Variants in CALN1 observed in about 807,000 individuals in gnomAD.
CALN1 encodes calcium-binding protein 8.
Under a neutral mutation model 30.6 loss-of-function variants are expected in CALN1, and 17 were observed. That is an observed-to-expected ratio of 0.56 (90% CI 0.38 to 0.83). The LOEUF (loss-of-function observed/expected upper bound fraction) is 0.83. Ranked by LOEUF, CALN1 falls within the 40% of genes least tolerant of loss-of-function variation. The pLI is 0.00. For synonymous variants in CALN1, 156 were observed against 131.4 expected (o/e 1.19, Z -1.28); for missense variants, 291 against 354.9 (o/e 0.82, Z 1.45).
Position 72,392,258 on chromosome 7 carries a change from T to TA in CALN1, c.119+10992dup, listed in dbSNP as rs1305839925. 3.3e-5 allele frequency among the ~76,000 whole-genome samples: 5 copies of TA among 152,142 alleles called. No homozygotes were observed. In the East Asian group the frequency reaches 9.6e-4, roughly 29 times the overall value. On this transcript the variant is annotated intron_variant, in intron 2 of 6. Transcript: ENST00000395275. The stretch of plus-strand genomic sequence containing the variant: ...GCCATCTGCGTTTCTCCAACAGAGG[T>TA]ACCAGACATCTCGGAGCAGATACAA...
intron 1 of CALN1, among the ~76,000 whole-genome samples, chr7:72,418,839 C>T (rs1020109752): frequency 6.6e-6 from 1 of 151,918 alleles, no homozygotes; most frequent in Non-Finnish European, 1.5e-5. Context: ...GGCGAGACCC[C>T]GTCTCTACCA....
intron 2 of CALN1, among the ~76,000 whole-genome samples, chr7:72,328,568 T>C (rs534110587): frequency 6.6e-6 from 1 of 152,206 alleles, no homozygotes; most frequent in Non-Finnish European, 1.5e-5. Flanking sequence ...GAGCATCCTG[T>C]GTTTTGTCCC....
At chr7:72,284,466 G>T (rs1031353708) in intron 2 of CALN1, among the ~76,000 whole-genome samples, 1 of 151,962 alleles carries the variant, frequency 6.6e-6, no homozygotes, top group African/African-American at 2.4e-5. Flanking sequence ...GCTGGATTAG[G>T]TTAACTTTTG....
chr7:72,257,045 C>T (rs1795960781), intron 3 of CALN1, among the ~76,000 whole-genome samples: 2 of 152,186 alleles, frequency 1.3e-5, no homozygotes, highest in African/African-American at 4.8e-5. Context: ...AATTGACTCA[C>T]ACTTCCATAT....
intron 3 of CALN1, among the ~76,000 whole-genome samples, chr7:72,247,095 G>T (rs1392334000): frequency 1.3e-5 from 2 of 151,738 alleles, no homozygotes; most frequent in Non-Finnish European, 2.9e-5. Context: ...AGACAGCCCA[G>T]TGTATGCCCT....
intron 4 of CALN1, among the ~76,000 whole-genome samples, chr7:72,072,342 G>A (rs1168691516): frequency 1.3e-5 from 2 of 152,162 alleles, no homozygotes; most frequent in Non-Finnish European, 2.9e-5. Flanking sequence ...TTAGAGGCCA[G>A]AAGGCAGTGG....
chr7:72,090,648 T>C (rs1340232072), intron 4 of CALN1, among the ~76,000 whole-genome samples: 1 of 152,234 alleles, frequency 6.6e-6, no homozygotes, highest in Non-Finnish European at 1.5e-5. Context: ...ACAGCATTAT[T>C]CACAATAGCT....
At chr7:71,850,158 T>A (rs560671057) in intron 5 of CALN1, among the ~76,000 whole-genome samples, 1 of 152,166 alleles carries the variant, frequency 6.6e-6, no homozygotes, top group Non-Finnish European at 1.5e-5. Flanking sequence ...TATCCTTACA[T>A]GGAATCTATG....
At chr7:72,037,962 G>A (rs1801903299) in intron 4 of CALN1, among the ~76,000 whole-genome samples, 1 of 152,196 alleles carries the variant, frequency 6.6e-6, no homozygotes, top group Non-Finnish European at 1.5e-5. Context: ...AGTTGGGGAA[G>A]GCGAGATGGA....
the CALN1 span, among the ~76,000 whole-genome samples, chr7:72,479,646 G>A: frequency 6.7e-6 from 1 of 149,966 alleles, no homozygotes; most frequent in East Asian, 2.0e-4. Flanking sequence ...TCCATCTCCT[G>A]GTTCAAGTGA....
At chr7:71,844,471 A>C (rs933558077) in intron 5 of CALN1, among the ~76,000 whole-genome samples, 2 of 152,254 alleles carry the variant, frequency 1.3e-5, no homozygotes, top group African/African-American at 4.8e-5. Context: ...ATCCTTAAGC[A>C]GATAAATAAC....
At chr7:72,065,409 T>C (rs1306907578) in intron 4 of CALN1, among the ~76,000 whole-genome samples, 1 of 151,826 alleles carries the variant, frequency 6.6e-6, no homozygotes, top group Non-Finnish European at 1.5e-5. Context: ...GTCCTTGTTA[T>C]AGTCTTGAGA....
intron 5 of CALN1, among the ~76,000 whole-genome samples, chr7:71,941,688 C>A (rs1391941962): frequency 2.0e-5 from 3 of 152,146 alleles, no homozygotes; most frequent in African/African-American, 4.8e-5. Context: ...AAAAAAGAAT[C>A]TTTTGTGCTG....
At chr7:72,228,290 T>G (rs1174153242) in intron 3 of CALN1, among the ~76,000 whole-genome samples, 1 of 151,686 alleles carries the variant, frequency 6.6e-6, no homozygotes, top group Non-Finnish European at 1.5e-5. Flanking sequence ...GTCCTCTGCT[T>G]GCCTAGAATG....
chr7:71,790,544 C>T (rs531548316), intron 6 of CALN1, among the ~76,000 whole-genome samples: 21 of 152,324 alleles, frequency 1.4e-4, no homozygotes, highest in Non-Finnish European at 3.1e-4. Context: ...TTTTCCTCTA[C>T]ACTTTCTCCC....
chr7:72,313,256 A>C (rs1265951640), intron 2 of CALN1, among the ~76,000 whole-genome samples: 2 of 152,230 alleles, frequency 1.3e-5, no homozygotes, highest in African/African-American at 4.8e-5. Flanking sequence ...GTACATAACA[A>C]AAACGACATT....
chr7:72,395,456 A>G (rs560349348), intron 2 of CALN1, among the ~76,000 whole-genome samples: 1 of 152,338 alleles, frequency 6.6e-6, no homozygotes, highest in African/African-American at 2.4e-5. Flanking sequence ...GCTGTAGGGC[A>G]TCACTAAGAT....
intron 3 of CALN1, among the ~76,000 whole-genome samples, chr7:72,273,355 G>C (rs1797121159): frequency 6.9e-6 from 1 of 144,496 alleles, no homozygotes; most frequent in Non-Finnish European, 1.5e-5. Context: ...CCAGGAGGCA[G>C]ACGTTGCAGT....
At chr7:72,063,082 C>T (rs533410803) in intron 4 of CALN1, among the ~76,000 whole-genome samples, 1 of 151,956 alleles carries the variant, frequency 6.6e-6, no homozygotes, top group African/African-American at 2.4e-5. Context: ...TGAACTTAGA[C>T]ACAAAGACAT....
Sources: allele counts gnomAD v4.1 joint callset (sites outside exome capture counted in the v4.1 genomes callset), GRCh38; gene constraint gnomAD v4.1.1; transcripts MANE v1.5; gene names NCBI Gene and HGNC (gene_info 2026-07-23, HGNC 2026-07-21).